The following ANOS1 variants were observed in gnomAD, a reference collection of about 807,000 sequenced individuals.
ANOS1 encodes the protein anosmin 1, also known as anosmin-1.
A neutral mutation model predicts 59.0 loss-of-function variants in ANOS1; 6 were observed. The ratio of observed to expected loss-of-function variants is 0.10; its 90% CI spans 0.06 to 0.20. ANOS1 has a LOEUF of 0.20. Among genes scored for constraint, ANOS1 ranks in the 10% least tolerant of loss-of-function variants. ANOS1 has a pLI of 1.00. For synonymous variants in ANOS1, 217 were observed against 223.4 expected (o/e 0.97, Z 0.25); for missense variants, 433 against 542.3 (o/e 0.80, Z 2.00).
chrX:8,632,315 G>A (rs1931502612), intron 2 of ANOS1, among the ~76,000 whole-genome samples: 1 of 112,032 alleles, frequency 8.9e-6, no homozygotes, highest in Admixed American at 9.5e-5. Flanking sequence ...TTGCTCAGGT[G>A]GACTTTTTTC....
At chrX:8,536,684 G>T in intron 11 of ANOS1, 87 bp downstream of exon 11, 2 of 771,653 alleles carry the variant, frequency 2.6e-6, no homozygotes, top group Non-Finnish European at 3.9e-6. Context: ...GGTTTTCACG[G>T]TCTTGTGAAA....
At chrX:8,662,104 G>A (rs73631409) in intron 2 of ANOS1, among the ~76,000 whole-genome samples, 1,983 of 111,659 alleles carry the variant, frequency 0.018, 41 homozygotes, top group African/African-American at 0.061. Flanking sequence ...TGAGGCATCT[G>A]TAGTCCTGCA....
At chrX:8,608,480 T>C (rs1349946265) in intron 3 of ANOS1, among the ~76,000 whole-genome samples, 2 of 111,153 alleles carry the variant, frequency 1.8e-5, no homozygotes, top group Non-Finnish European at 3.8e-5. Flanking sequence ...ACTCATCACA[T>C]CCATCCAAGA....
intron 3 of ANOS1, among the ~76,000 whole-genome samples, chrX:8,603,892 G>A (rs1157309505): frequency 9.0e-6 from 1 of 111,424 alleles, no homozygotes; most frequent in Non-Finnish European, 1.9e-5. Flanking sequence ...TAAAGTGAGT[G>A]CTCCATCATT....
Position 8,699,694 on chromosome X carries a change from G to A in ANOS1, c.255+4C>T, listed in dbSNP as rs141696314. ...CACCATTCATACAGGTATAGGAAAC[G>A]TACCTTAGAACATTGCTTGTGATTC... On this transcript the variant is annotated splice_donor_region_variant and intron_variant, in intron 2 of 13. Transcript: ENST00000262648. 1,093 of 1,189,746 alleles carry A rather than the reference G, an allele frequency of 9.2e-4. 2 individuals are homozygous for A. The African/African-American group carries it at 0.016, about 18-fold the overall frequency.
chrX:8,554,980 TA>T (rs1929926616), intron 8 of ANOS1, among the ~76,000 whole-genome samples: 1 of 110,973 alleles, frequency 9.0e-6, no homozygotes, highest in Non-Finnish European at 1.9e-5. Flanking sequence ...TAATTGGAAG[TA>T]AAATATTCCT....
chrX:8,594,664 A>G (rs1472675763), intron 4 of ANOS1, among the ~76,000 whole-genome samples: 4 of 17,519 alleles, frequency 2.3e-4, no homozygotes, highest in South Asian at 6.0e-3. Context: ...ATGTGTATAT[A>G]TATATATATA....
chrX:8,617,696 G>A (rs1931199511), intron 3 of ANOS1, among the ~76,000 whole-genome samples: 1 of 110,652 alleles, frequency 9.0e-6, no homozygotes, highest in African/African-American at 3.3e-5. Flanking sequence ...CAGGAGAATC[G>A]CTTAAACCTG....
intron 1 of ANOS1, among the ~76,000 whole-genome samples, chrX:8,709,943 T>C (rs1272810722): frequency 2.7e-5 from 3 of 111,038 alleles, no homozygotes; most frequent in Non-Finnish European, 1.9e-5. Context: ...TTTTTTTTAT[T>C]TTTTTGAGAT....
chrX:8,665,340 G>C (rs1932116629), intron 2 of ANOS1, among the ~76,000 whole-genome samples: 1 of 112,426 alleles, frequency 8.9e-6, no homozygotes, highest in South Asian at 3.7e-4. Context: ...GAAGTGCCTG[G>C]CAGTGCCCAG....
intron 2 of ANOS1, among the ~76,000 whole-genome samples, chrX:8,635,433 A>ACTG (rs1489837797): frequency 9.0e-6 from 1 of 111,701 alleles, no homozygotes; most frequent in Non-Finnish European, 1.9e-5. Flanking sequence ...ATGAAGGAAA[A>ACTG]CTGATGTTGG....
intron 6 of ANOS1, among the ~76,000 whole-genome samples, chrX:8,577,885 G>C (rs1930356121): frequency 9.0e-6 from 1 of 111,528 alleles, no homozygotes; most frequent in Non-Finnish European, 1.9e-5. Context: ...ACTTCTGCTT[G>C]TCCCAGCAGA....
intron 1 of ANOS1, among the ~76,000 whole-genome samples, chrX:8,717,028 T>C (rs755277540): frequency 8.9e-6 from 1 of 111,836 alleles, no homozygotes; most frequent in South Asian, 3.8e-4. Flanking sequence ...CCAGGGATGC[T>C]GTGGAACCAT....
chrX:8,671,581 G>C (rs1490803708), intron 2 of ANOS1, among the ~76,000 whole-genome samples: 1 of 103,577 alleles, frequency 9.7e-6, no homozygotes, highest in African/African-American at 3.8e-5. Context: ...CATATTATGT[G>C]TATGAGTATA....
chrX:8,677,272 G>C (rs997276874), intron 2 of ANOS1, among the ~76,000 whole-genome samples: 17 of 111,410 alleles, frequency 1.5e-4, no homozygotes, highest in African/African-American at 4.2e-4. Flanking sequence ...CCTCTTCCCT[G>C]GTAGTGACAA....
intron 3 of ANOS1, among the ~76,000 whole-genome samples, chrX:8,597,791 C>A (rs762356763): frequency 9.4e-6 from 1 of 106,684 alleles, no homozygotes; most frequent in East Asian, 3.0e-4. Context: ...CCTGCCTCAG[C>A]CTCCCAAGTA....
chrX:8,632,536 T>C (rs1028436867), intron 2 of ANOS1, among the ~76,000 whole-genome samples: 1 of 111,782 alleles, frequency 8.9e-6, no homozygotes, highest in Admixed American at 9.5e-5. Flanking sequence ...GTTCTAATAA[T>C]TGTTTTTAAA....
chrX:8,667,224 G>C (rs867263731), intron 2 of ANOS1, among the ~76,000 whole-genome samples: 13 of 111,066 alleles, frequency 1.2e-4, no homozygotes, highest in African/African-American at 3.6e-4. Context: ...TGGTTTGACT[G>C]GATATTCAAG....
chrX:8,578,435 T>A (rs1277168979), intron 6 of ANOS1, among the ~76,000 whole-genome samples: 4 of 110,935 alleles, frequency 3.6e-5, no homozygotes, highest in African/African-American at 9.8e-5. Context: ...AAATGGCACA[T>A]CCCGAGCAGC....
Sources: allele counts gnomAD v4.1 joint callset (sites outside exome capture counted in the v4.1 genomes callset), GRCh38; gene constraint gnomAD v4.1.1; transcripts MANE v1.5; gene names NCBI Gene and HGNC (gene_info 2026-07-23, HGNC 2026-07-21).